AUTS2: variants seen among roughly 807,000 people sequenced by gnomAD.
The protein encoded by AUTS2 is activator of transcription and developmental regulator AUTS2.
Under a neutral mutation model 112.4 loss-of-function variants are expected in AUTS2, and 17 were observed. That is an observed-to-expected ratio of 0.15 (90% CI 0.10 to 0.23). The LOEUF (loss-of-function observed/expected upper bound fraction) is 0.23. Ranked by LOEUF, AUTS2 falls within the 10% of genes least tolerant of loss-of-function variation. The pLI is 1.00. For synonymous variants in AUTS2, 751 were observed against 702.7 expected (o/e 1.07, Z -1.09); for missense variants, 1,510 against 1,701.6 (o/e 0.89, Z 1.98).
At chr7:70,447,408 A>G (rs1796360678) in intron 5 of AUTS2, among the ~76,000 whole-genome samples, 1 of 152,234 alleles carries the variant, frequency 6.6e-6, no homozygotes, top group South Asian at 2.1e-4. Flanking sequence ...AGTGCTACAG[A>G]GAGATAAAGA....
At chr7:70,351,050 T>A (rs542800846) in intron 4 of AUTS2, among the ~76,000 whole-genome samples, 1 of 144,672 alleles carries the variant, frequency 6.9e-6, no homozygotes, top group South Asian at 2.3e-4. Flanking sequence ...TTTTGTCTTC[T>A]TCTTTTTTTT....
At chr7:69,773,993 T>G (rs1788786354) in intron 1 of AUTS2, among the ~76,000 whole-genome samples, 1 of 152,234 alleles carries the variant, frequency 6.6e-6, no homozygotes, top group African/African-American at 2.4e-5. Flanking sequence ...TACCTCATTG[T>G]CTGCAGCAGG....
At chr7:70,355,436 C>T (rs185438506) in intron 4 of AUTS2, among the ~76,000 whole-genome samples, 1 of 152,096 alleles carries the variant, frequency 6.6e-6, no homozygotes, top group Admixed American at 6.5e-5. Context: ...ACTTTTTGTT[C>T]TCCTTACGGC....
intron 2 of AUTS2, among the ~76,000 whole-genome samples, chr7:69,905,207 G>C (rs1795106513): frequency 6.6e-6 from 1 of 152,088 alleles, no homozygotes; most frequent in Non-Finnish European, 1.5e-5. Context: ...ATACATCTTT[G>C]GAATGTTATG....
At chr7:70,514,331 A>T (rs1450071418) in intron 5 of AUTS2, among the ~76,000 whole-genome samples, 2 of 152,356 alleles carry the variant, frequency 1.3e-5, no homozygotes, top group East Asian at 3.9e-4. Flanking sequence ...ACTGGGTACT[A>T]TCTAAAGAAA....
chr7:69,820,616 A>G (rs1170191756), intron 1 of AUTS2, among the ~76,000 whole-genome samples: 1 of 152,242 alleles, frequency 6.6e-6, no homozygotes, highest in African/African-American at 2.4e-5. Context: ...TTATAGCAGG[A>G]TGCTAAGCTG....
intron 1 of AUTS2, among the ~76,000 whole-genome samples, chr7:69,644,557 T>A (rs1336960459): frequency 6.6e-6 from 1 of 152,044 alleles, no homozygotes; most frequent in Non-Finnish European, 1.5e-5. Context: ...CATTAATAAG[T>A]CAAGATGTAG....
chr7:70,376,316 G>A (rs2129631298), intron 4 of AUTS2, among the ~76,000 whole-genome samples: 1 of 152,238 alleles, frequency 6.6e-6, no homozygotes, highest in Middle Eastern at 3.4e-3. Context: ...TAAAAGGTCA[G>A]ATAGCACATA....
intron 2 of AUTS2, among the ~76,000 whole-genome samples, chr7:69,900,829 T>C (rs538575806): frequency 1.3e-5 from 2 of 152,346 alleles, no homozygotes; most frequent in South Asian, 4.1e-4. Flanking sequence ...GGTACACTTG[T>C]GTCCTGAAAC....
rs115120238 is a variant in AUTS2 at position 70,505,172 on chromosome 7, A to G, written c.690+69391A>G. Among the ~76,000 whole-genome samples the G allele has an allele frequency of 6.4e-3, 976 of 152,278 alleles. 11 individuals carry two copies. The highest frequency in any genetic ancestry group is 0.022 in the African/African-American group (915 of 41,566). Reference sequence around the variant, plus strand: ...AATAGATGACTGTAAGCATATTTCTATGCGTTCATTAGCCTCAGGGAGGTT... The same window carrying G: ...AATAGATGACTGTAAGCATATTTCTGTGCGTTCATTAGCCTCAGGGAGGTT... On this transcript the variant is annotated intron_variant, in intron 5 of 18. Coordinates refer to ENST00000342771, the MANE Select transcript of AUTS2 (RefSeq NM_015570.4).
At chr7:70,260,947 C>T (rs1263685944) in intron 4 of AUTS2, among the ~76,000 whole-genome samples, 1 of 151,992 alleles carries the variant, frequency 6.6e-6, no homozygotes, top group Non-Finnish European at 1.5e-5. Context: ...ACAGGTTTCA[C>T]CATGTTGGCC....
intron 6 of AUTS2, among the ~76,000 whole-genome samples, chr7:70,754,203 AACATTGATTGGGCAGGGTGGCTC>A (rs1325453662): frequency 6.6e-6 from 1 of 151,722 alleles, no homozygotes; most frequent in Admixed American, 6.6e-5. Flanking sequence ...AATAATAATG[AACATTGATTGGGCAGGGTGGCTC>A]ACACCTATAA....
At chr7:70,764,484 G>GGTTTAGGCA (rs1370498660) in intron 7 of AUTS2, among the ~76,000 whole-genome samples, 1 of 152,136 alleles carries the variant, frequency 6.6e-6, no homozygotes, top group Non-Finnish European at 1.5e-5. Context: ...GAGGCCCTGA[G>GGTTTAGGCA]GTTTAGGCAG....
intron 4 of AUTS2, among the ~76,000 whole-genome samples, chr7:70,260,379 A>T (rs2129607018): frequency 6.6e-6 from 1 of 151,920 alleles, no homozygotes; most frequent in South Asian, 2.1e-4. Flanking sequence ...AAAAAAGAAA[A>T]AATACTAGAT....
At chr7:70,176,244 T>C (rs1808981104) in intron 4 of AUTS2, among the ~76,000 whole-genome samples, 1 of 152,212 alleles carries the variant, frequency 6.6e-6, no homozygotes, top group African/African-American at 2.4e-5. Flanking sequence ...TCATAGTACG[T>C]ACAAGAAAGC....
chr7:70,026,584 T>C (rs1345941797), intron 2 of AUTS2, among the ~76,000 whole-genome samples: 1 of 152,212 alleles, frequency 6.6e-6, no homozygotes, highest in Non-Finnish European at 1.5e-5. Flanking sequence ...CCTTGCCAAC[T>C]CAAATTTTGG....
intron 5 of AUTS2, among the ~76,000 whole-genome samples, chr7:70,607,411 T>C (rs994178112): frequency 2.6e-5 from 4 of 152,094 alleles, no homozygotes; most frequent in African/African-American, 9.7e-5. Context: ...GAGGATATGG[T>C]ACAGAGAAGA....
chr7:70,047,244 A>G (rs916309332), intron 2 of AUTS2, among the ~76,000 whole-genome samples: 4 of 152,190 alleles, frequency 2.6e-5, no homozygotes, highest in Non-Finnish European at 5.9e-5. Flanking sequence ...TATAATTTTA[A>G]TTGCAGGACC....
chr7:70,267,661 T>C (rs757260067), intron 4 of AUTS2, among the ~76,000 whole-genome samples: 3 of 152,184 alleles, frequency 2.0e-5, no homozygotes, highest in Non-Finnish European at 4.4e-5. Context: ...CACTTTCACG[T>C]TCAGATTCAG....
Sources: gnomAD v4.1 joint callset for allele counts (sites outside exome capture counted in the v4.1 genomes callset) on GRCh38, gnomAD v4.1.1 for gene constraint, MANE v1.5 for transcripts, NCBI Gene and HGNC (gene_info 2026-07-23, HGNC 2026-07-21) for gene names.